Variants in LAMA2 observed in about 807,000 individuals in gnomAD.
The protein encoded by LAMA2 is laminin subunit alpha-2.
LAMA2 carries 269 observed loss-of-function variants against 364.8 expected under a neutral mutation model. The ratio of observed to expected loss-of-function variants is 0.74; its 90% CI spans 0.67 to 0.82. The LOEUF (loss-of-function observed/expected upper bound fraction) is 0.82, where lower values mean the gene tolerates loss of function less well. Ranked by LOEUF, LAMA2 falls within the 40% of genes least tolerant of loss-of-function variation. The pLI is 0.00. For synonymous variants in LAMA2, 1,379 were observed against 1,370.6 expected, an observed-to-expected ratio of 1.01 and a Z score of -0.14; for missense variants, 3,807 against 3,873.2, an observed-to-expected ratio of 0.98 and a Z score of 0.45.
rs746019110 is a variant in LAMA2 at position 129,402,356 on chromosome 6, T to A, written c.5595T>A (p.Pro1865=). 6.2e-7 allele frequency: 1 copy of A among 1,613,976 alleles called. No homozygotes were observed. The highest frequency in any genetic ancestry group is 2.2e-5 in the East Asian group (1 of 44,874). Residue 1865 remains proline, a synonymous_variant, in exon 39 of 65, where the codon CCT becomes CCA. Transcript: ENST00000421865. The part of the protein sequence containing the change: ...YVEDIQTKLP[P]MSEELNDKID... ...AAGACATCCAAACTAAATTGCCACC[T>A]ATGTCTGAGGAGCTTAATGATAAAA...
intron 3 of LAMA2, among the ~76,000 whole-genome samples, chr6:129,062,364 C>G (rs1031196713): frequency 9.9e-5 from 15 of 152,128 alleles, no homozygotes; most frequent in Admixed American, 7.9e-4. Context: ...AGTCTGAATC[C>G]AGACCCAAAT....
At chr6:129,174,853 A>G (rs1338995027) in intron 9 of LAMA2, among the ~76,000 whole-genome samples, 1 of 151,938 alleles carries the variant, frequency 6.6e-6, no homozygotes, top group East Asian at 1.9e-4. Flanking sequence ...CTACCTACCT[A>G]TCTATTTTTC....
chr6:129,146,499 A>C (rs1778460302), intron 5 of LAMA2, among the ~76,000 whole-genome samples: 1 of 152,080 alleles, frequency 6.6e-6, no homozygotes, highest in Admixed American at 6.6e-5. Context: ...TGTTATGAGC[A>C]CAATTTCTAC....
At chr6:129,466,204 G>C (rs574522467) in intron 51 of LAMA2, among the ~76,000 whole-genome samples, 1 of 151,844 alleles carries the variant, frequency 6.6e-6, no homozygotes, top group Non-Finnish European at 1.5e-5. Flanking sequence ...AACTTGCATC[G>C]AACTGGGGAG....
intron 12 of LAMA2, among the ~76,000 whole-genome samples, chr6:129,225,478 TA>T (rs1784189368): frequency 6.6e-6 from 1 of 152,212 alleles, no homozygotes; most frequent in Non-Finnish European, 1.5e-5. Context: ...TTTAGTGCTA[TA>T]AATTTCCCTC....
intron 37 of LAMA2, among the ~76,000 whole-genome samples, chr6:129,397,915 C>A (rs111556409): frequency 2.3e-5 from 3 of 131,920 alleles, no homozygotes; most frequent in Non-Finnish European, 4.6e-5. Flanking sequence ...CCAGCCTGGG[C>A]GACAGAGTGA....
At chr6:128,909,314 G>A (rs1374406630) in intron 1 of LAMA2, among the ~76,000 whole-genome samples, 2 of 152,032 alleles carry the variant, frequency 1.3e-5, no homozygotes, top group Non-Finnish European at 2.9e-5. Flanking sequence ...ATGAATCTGG[G>A]TGCTCCTGTG....
At chr6:128,897,767 G>C (rs924474058) in intron 1 of LAMA2, among the ~76,000 whole-genome samples, 2 of 152,226 alleles carry the variant, frequency 1.3e-5, no homozygotes, top group Non-Finnish European at 2.9e-5. Context: ...TCCCAGAGTA[G>C]AGAATATCAT....
chr6:129,220,998 C>T (rs1390824225), intron 12 of LAMA2, among the ~76,000 whole-genome samples: 2 of 152,010 alleles, frequency 1.3e-5, no homozygotes, highest in African/African-American at 4.8e-5. Context: ...CCTGTCTCTA[C>T]TAAAAATACA....
At chr6:129,449,125 T>A (rs1782536736) in intron 45 of LAMA2, among the ~76,000 whole-genome samples, 1 of 152,216 alleles carries the variant, frequency 6.6e-6, no homozygotes, top group Non-Finnish European at 1.5e-5. Flanking sequence ...TGTTTCAGTT[T>A]CTGAGAGTAT....
At chr6:129,492,108 TTTTTTA>T in intron 57 of LAMA2, 31 bp downstream of exon 57, 1 of 1,588,774 alleles carries the variant, frequency 6.3e-7, no homozygotes, top group Non-Finnish European at 8.6e-7. Flanking sequence ...CTACTACTAA[TTTTTTA>T]TTTTTATTTC....
chr6:129,433,873 G>A (rs1003566591), intron 41 of LAMA2, among the ~76,000 whole-genome samples: 6 of 152,116 alleles, frequency 3.9e-5, no homozygotes, highest in Non-Finnish European at 7.4e-5. Context: ...TTTACTTACT[G>A]CCTATGGTAA....
At chr6:129,507,670 G>T (rs1233249759) in intron 62 of LAMA2, 28 bp downstream of exon 62, 1 of 1,608,902 alleles carries the variant, frequency 6.2e-7, no homozygotes, top group Admixed American at 1.7e-5. Context: ...CCTTCCTGTT[G>T]ATTATTAACT....
At chr6:128,905,995 T>C (rs1376348956) in intron 1 of LAMA2, among the ~76,000 whole-genome samples, 3 of 150,230 alleles carry the variant, frequency 2.0e-5, no homozygotes, top group African/African-American at 2.4e-5. Flanking sequence ...TAGTATTCCA[T>C]GGTGTATATG....
rs780669696 is a variant in LAMA2 at position 129,492,074 on chromosome 6, C to T, written c.8072C>T (p.Ser2691Phe). 2 of 1,612,736 alleles carry T rather than the reference C, an allele frequency of 1.2e-6. No individual in the cohort carries two copies. The highest frequency in any genetic ancestry group is 1.7e-6 in the Non-Finnish European group (2 of 1,178,924). The change falls in exon 57 of 65, where the codon TCT becomes TTT. Residue 2691 changes from serine (S) to phenylalanine (F), a missense_variant. Ser to Phe is a radical substitution (Grantham distance 155, BLOSUM62 -2). Coordinates refer to ENST00000421865, the MANE Select transcript of LAMA2 (RefSeq NM_000426.4). Reference sequence around the variant, plus strand: ...TGCATATGGAATCTTGTTATTAACTCTGTGTAAGTGGATCTCCTCATTACT... The same window carrying T: ...TGCATATGGAATCTTGTTATTAACTTTGTGTAAGTGGATCTCCTCATTACT... ...EGCIWNLVIN[S>F]VPMDFARPVS...
chr6:129,496,755 T>C (rs1785225119), intron 58 of LAMA2, among the ~76,000 whole-genome samples: 1 of 152,216 alleles, frequency 6.6e-6, no homozygotes. Context: ...GATATTATCA[T>C]TGCTAGTCAG....
chr6:129,072,405 GTGTT>G (rs1307688608), intron 3 of LAMA2, among the ~76,000 whole-genome samples: 2 of 151,780 alleles, frequency 1.3e-5, no homozygotes, highest in Non-Finnish European at 2.9e-5. Context: ...TTTTTTCTCT[GTGTT>G]TGCGTGATAT....
intron 37 of LAMA2, among the ~76,000 whole-genome samples, chr6:129,400,086 A>G (rs774225101): frequency 9.9e-5 from 15 of 152,180 alleles, no homozygotes; most frequent in Non-Finnish European, 1.8e-4. Flanking sequence ...GTATTGGCAG[A>G]TTTGGTGTCT....
intron 45 of LAMA2, among the ~76,000 whole-genome samples, chr6:129,446,848 G>A (rs944635977): frequency 2.0e-5 from 3 of 151,774 alleles, no homozygotes; most frequent in African/African-American, 7.3e-5. Flanking sequence ...TAAGTTCAAG[G>A]TGAACATTGA....
Sources: allele counts gnomAD v4.1 joint callset (sites outside exome capture counted in the v4.1 genomes callset), GRCh38; gene constraint gnomAD v4.1.1; transcripts MANE v1.5; gene names NCBI Gene and HGNC (gene_info 2026-07-23, HGNC 2026-07-21).